Variants in DHX32 observed in about 807,000 individuals in gnomAD.
DHX32 encodes the protein DEAH-box helicase 32 (putative).
A neutral mutation model predicts 70.0 loss-of-function variants in DHX32; 51 were observed. The observed-to-expected ratio is 0.73, with a 90% CI of 0.58 to 0.92. The LOEUF is 0.92. Ranked by LOEUF, DHX32 falls within the 40% of genes least tolerant of loss-of-function variation. DHX32 has a pLI of 0.00. For missense variants in DHX32, 762 were observed against 891.8 expected (o/e 0.85, Z 1.85); for synonymous variants, 310 against 315.3 (o/e 0.98, Z 0.18).
At chr10:125,892,239 C>G (rs1944375687) in intron 1 of DHX32, among the ~76,000 whole-genome samples, 1 of 152,214 alleles carries the variant, frequency 6.6e-6, no homozygotes, top group Non-Finnish European at 1.5e-5. Context: ...TTTTAGTGGC[C>G]CCTCCTTCTT....
chr10:125,858,871 T>C (rs111749609), intron 3 of DHX32, among the ~76,000 whole-genome samples: 2,647 of 151,874 alleles, frequency 0.017, 76 homozygotes, highest in African/African-American at 0.06. Context: ...GGGAAAGAAA[T>C]AGGGCCAGTG....
At chr10:125,840,433 CCT>C (rs1221353779) in intron 8 of DHX32, among the ~76,000 whole-genome samples, 2 of 152,238 alleles carry the variant, frequency 1.3e-5, no homozygotes, top group East Asian at 1.9e-4. Context: ...AGCTCTGCAG[CCT>C]CTCTGCATGC....
At chr10:125,841,981 A>T (rs777247385) in intron 6 of DHX32, 47 bp from the exon 7 acceptor site, 1 of 1,505,850 alleles carries the variant, frequency 6.6e-7, no homozygotes, top group Non-Finnish European at 8.8e-7. Context: ...TATGGCTAAG[A>T]TGGAGAAACA....
At chr10:125,858,450 A>C (rs1944162180) in intron 3 of DHX32, among the ~76,000 whole-genome samples, 1 of 152,252 alleles carries the variant, frequency 6.6e-6, no homozygotes, top group South Asian at 2.1e-4. Context: ...TATCATATAC[A>C]TACAAAAAAT....
intron 7 of DHX32, chr10:125,841,243 C>T: frequency 1.2e-6 from 2 of 1,611,300 alleles, no homozygotes; most frequent in Non-Finnish European, 1.7e-6. Flanking sequence ...TATCCTGCTT[C>T]TATTCCGGCA....
At chr10:125,868,749 T>G (rs531925912) in intron 1 of DHX32, among the ~76,000 whole-genome samples, 1 of 152,356 alleles carries the variant, frequency 6.6e-6, no homozygotes, top group South Asian at 2.1e-4. Flanking sequence ...ACAAATTTTC[T>G]AAGCTTTAGT....
At chr10:125,862,426 T>C (rs1373643831) in intron 2 of DHX32, among the ~76,000 whole-genome samples, 1 of 151,272 alleles carries the variant, frequency 6.6e-6, no homozygotes, top group Non-Finnish European at 1.5e-5. Flanking sequence ...CATTGAAATC[T>C]AGTTTTCAAT....
At chr10:125,884,840 A>G (rs985941992), upstream of DHX32, among the ~76,000 whole-genome samples, 1 of 152,014 alleles carries the variant, frequency 6.6e-6, no homozygotes, top group African/African-American at 2.4e-5. Context: ...TTCATGTATC[A>G]AATACCCAAA....
At chr10:125,836,907 G>A in intron 10 of DHX32, 52 bp from the exon 11 acceptor site, 2 of 1,529,914 alleles carry the variant, frequency 1.3e-6, no homozygotes, top group Non-Finnish European at 1.8e-6. Flanking sequence ...GGTGGTGAGA[G>A]ACACCAAACA....
upstream of DHX32, among the ~76,000 whole-genome samples, chr10:125,883,209 A>T (rs2134075833): frequency 6.6e-6 from 1 of 152,246 alleles, no homozygotes; most frequent in Non-Finnish European, 1.5e-5. Flanking sequence ...TTCATCACAC[A>T]TTGTGCAATG....
intron 8 of DHX32, among the ~76,000 whole-genome samples, chr10:125,840,436 C>T (rs889245448): frequency 7.2e-5 from 11 of 152,262 alleles, no homozygotes; most frequent in African/African-American, 2.7e-4. Flanking sequence ...TCTGCAGCCT[C>T]TCTGCATGCA....
intron 1 of DHX32, among the ~76,000 whole-genome samples, chr10:125,887,937 T>C (rs76456372): frequency 2.6e-5 from 4 of 152,194 alleles, no homozygotes; most frequent in Admixed American, 1.3e-4. Flanking sequence ...TCCACTTCCA[T>C]GTAAAACATT....
At chr10:125,860,752 A>ATTTTTTTTTTTTTT (rs397747204) in intron 2 of DHX32, among the ~76,000 whole-genome samples, 2 of 111,794 alleles carry the variant, frequency 1.8e-5, no homozygotes, top group Non-Finnish European at 3.4e-5. Context: ...AACCAATCCC[A>ATTTTTTTTTTTTTT]TTTTTTTTTT....
intron 9 of DHX32, among the ~76,000 whole-genome samples, chr10:125,838,645 G>A (rs1049298144): frequency 1.3e-5 from 2 of 152,118 alleles, no homozygotes; most frequent in African/African-American, 4.8e-5. Context: ...TTAATGTTTT[G>A]GCCATGAGAT....
In DHX32 at chr10:125,836,831, G is replaced by A. The variant is rs1288102464; in HGVS notation, c.2088C>T (p.Tyr696=). 2.5e-6 allele frequency: 4 copies of A among 1,614,140 alleles called. No individual in the cohort carries two copies. The highest frequency in any genetic ancestry group is 2.7e-5 in the African/African-American group (2 of 75,042). ...CACTAGGAGGCAGATTACTGAAATA[G>A]TATTGTGGTACCAGCTGCATAAATC... ...PELFMQLVPQ[Y]YFSNLPPSES... The change falls in exon 11 of 11, where the codon TAC becomes TAT. Residue 696 remains tyrosine (Y), a synonymous_variant. Transcript: ENST00000284690.
At chr10:125,839,252 C>CCAGG in intron 8 of DHX32, 64 bp from the exon 9 acceptor site, 1 of 1,535,702 alleles carries the variant, frequency 6.5e-7, no homozygotes, top group Non-Finnish European at 8.9e-7. Flanking sequence ...AGAGCCCAGG[C>CCAGG]CAGGCAGTTG....
At chr10:125,860,469 T>C (rs1944179607) in intron 2 of DHX32, among the ~76,000 whole-genome samples, 1 of 152,202 alleles carries the variant, frequency 6.6e-6, no homozygotes, top group Admixed American at 6.5e-5. Context: ...GACACTATTA[T>C]TGGTGATTCA....
Position 125,880,710 on chromosome 10 carries a change from C to A in DHX32, c.115G>T (p.Glu39Ter), listed in dbSNP as rs1210461943. The change falls in exon 1 of 11, where the codon GAA becomes TAA. Residue 39 changes from glutamate to a stop codon, truncating the protein, a stop_gained. Coordinates refer to ENST00000284690, the MANE Select transcript of DHX32 (RefSeq NM_018180.3). LOFTEE classifies it high-confidence loss of function. Reference protein sequence around the residue: ...EEEVLACEDLELNPFDGLPYS... With the variant: ...EEEVLACEDL ...GGCAATCCATCAAAGGGGTTAAGTT[C>A]CAAATCCTCACAGGCCAAAACCTCT... is the stretch of plus-strand genomic sequence containing the variant. The A allele has an allele frequency of 1.2e-6, 2 of 1,614,158 alleles. No individual in the cohort carries two copies. The highest frequency in any genetic ancestry group is 1.7e-6 in the Non-Finnish European group (2 of 1,180,046).
chr10:125,852,482 A>G (rs747865883), intron 5 of DHX32, 31 bp from the exon 6 acceptor site: 26 of 1,613,450 alleles, frequency 1.6e-5, no homozygotes, highest in Non-Finnish European at 2.2e-5. Context: ...TGGCTTTAAT[A>G]TTTCTGGGTT....
Sources: gnomAD v4.1 joint callset for allele counts (sites outside exome capture counted in the v4.1 genomes callset) on GRCh38, gnomAD v4.1.1 for gene constraint, MANE v1.5 for transcripts, NCBI Gene and HGNC (gene_info 2026-07-23, HGNC 2026-07-21) for gene names.